DLG2: variants seen among roughly 807,000 people sequenced by gnomAD.
DLG2 encodes the protein disks large homolog 2.
A neutral mutation model predicts 132.5 loss-of-function variants in DLG2; 45 were observed. That is an observed-to-expected ratio of 0.34 (90% CI 0.27 to 0.44). DLG2 has a LOEUF of 0.44. DLG2 is among the 20% of genes least tolerant of loss of function. The probability of loss-of-function intolerance (pLI) is 1.00; values close to 1 mark genes in which losing one functional copy is unlikely to be tolerated. For synonymous variants in DLG2, 424 were observed against 419.6 expected (o/e 1.01, Z -0.13); for missense variants, 1,045 against 1,196.9 (o/e 0.87, Z 1.87).
At chr11:84,125,066 T>C (rs2154209748) in intron 9 of DLG2, among the ~76,000 whole-genome samples, 1 of 152,188 alleles carries the variant, frequency 6.6e-6, no homozygotes, top group Middle Eastern at 3.4e-3. Context: ...GTCAGGCTGA[T>C]CTTGAACTCA....
rs1177534567 is a variant in DLG2, at chr11:83,980,681, T to C, written c.920-39A>G. ...ACAGAAAATGGAAAGCCTTGTTTTG[T>C]TGTTGTAGTTGTTTTTAGAAAATGC... On this transcript the variant is annotated intron_variant, in intron 11 of 27. Transcript: ENST00000376104. 2.1e-6 allele frequency: 3 copies of C among 1,462,526 alleles called. No homozygotes were observed. The African/African-American group carries it at 4.4e-5, about 21-fold the overall frequency. The allele number at this position is 1,462,526 out of a possible 1,614,324, so 90.6% of individuals were successfully genotyped here.
At chr11:84,038,761 C>G (rs543499282) in intron 11 of DLG2, among the ~76,000 whole-genome samples, 3 of 152,184 alleles carry the variant, frequency 2.0e-5, no homozygotes, top group African/African-American at 7.2e-5. Flanking sequence ...GTTTAATTGA[C>G]TCTCAGTTCA....
intron 16 of DLG2, among the ~76,000 whole-genome samples, chr11:83,870,242 C>G (rs914864263): frequency 6.6e-6 from 1 of 152,176 alleles, no homozygotes; most frequent in Non-Finnish European, 1.5e-5. Context: ...GAATAATGTA[C>G]ATTTTACCCA....
At chr11:84,734,299 C>T (rs1169358585) in intron 6 of DLG2, among the ~76,000 whole-genome samples, 1 of 152,086 alleles carries the variant, frequency 6.6e-6, no homozygotes, top group African/African-American at 2.4e-5. Context: ...TTGTTTGTAT[C>T]CTCTTTTATT....
chr11:84,835,813 T>A (rs1343888937), intron 6 of DLG2, among the ~76,000 whole-genome samples: 1 of 151,838 alleles, frequency 6.6e-6, no homozygotes, highest in Admixed American at 6.6e-5. Context: ...ATAGATGTAA[T>A]AATAAGGAGA....
intron 12 of DLG2, among the ~76,000 whole-genome samples, chr11:83,971,871 T>C (rs561834519): frequency 2.5e-4 from 38 of 152,254 alleles, no homozygotes; most frequent in African/African-American, 8.7e-4. Context: ...TTCAAAATAA[T>C]AACTATTAAT....
intron 11 of DLG2, among the ~76,000 whole-genome samples, chr11:84,035,038 C>T (rs897524699): frequency 2.0e-5 from 3 of 152,102 alleles, no homozygotes; most frequent in African/African-American, 7.2e-5. Flanking sequence ...ACCTTTCCAA[C>T]CTCTGCTTGA....
At chr11:84,744,718 C>G (rs968347923) in intron 6 of DLG2, among the ~76,000 whole-genome samples, 3 of 151,972 alleles carry the variant, frequency 2.0e-5, no homozygotes, top group Non-Finnish European at 2.9e-5. Context: ...TCTCAGAAAG[C>G]TTTCTCCCAC....
At chr11:84,758,043 A>G (rs777444702) in intron 6 of DLG2, among the ~76,000 whole-genome samples, 1 of 152,270 alleles carries the variant, frequency 6.6e-6, no homozygotes, top group Admixed American at 6.5e-5. Flanking sequence ...GGTCATTGCC[A>G]TAACATACTT....
At position 83,542,005 on chromosome 11, in the gene DLG2, A is replaced by G. The variant is rs1009614778; in HGVS notation, c.1941-147T>C. On this transcript the variant is annotated intron_variant, in intron 19 of 27. Coordinates refer to ENST00000376104, the MANE Select transcript of DLG2 (RefSeq NM_001142699.3). Reference sequence around the variant, plus strand: ...AATGATTCCCTGGATCACAGTCCACACTCTCACTGCTTTGGCAACACACTA... The same window carrying G: ...AATGATTCCCTGGATCACAGTCCACGCTCTCACTGCTTTGGCAACACACTA... 4 of 732,708 alleles carry G rather than the reference A, an allele frequency of 5.5e-6. No homozygotes were observed. In the Admixed American group the frequency reaches 1.4e-4, roughly 26 times the overall value. 45.4% of individuals were successfully genotyped at this position (732,708 alleles called of 1,614,324 possible).
At chr11:84,115,607 G>A (rs2093597392) in intron 9 of DLG2, among the ~76,000 whole-genome samples, 1 of 152,142 alleles carries the variant, frequency 6.6e-6, no homozygotes, top group East Asian at 1.9e-4. Context: ...AACATTTCAA[G>A]TTTATTTCTA....
At chr11:84,630,378 C>A (rs1196757865) in intron 6 of DLG2, among the ~76,000 whole-genome samples, 1 of 152,106 alleles carries the variant, frequency 6.6e-6, no homozygotes, top group Non-Finnish European at 1.5e-5. Context: ...TATGACTCCT[C>A]CTTTGATCTA....
At position 84,642,069 on chromosome 11, in the gene DLG2, T is replaced by C. The variant is rs537453124; in HGVS notation, c.358-107338A>G. Among the ~76,000 whole-genome samples the C allele has an allele frequency of 2.9e-3, 414 of 143,600 alleles. 6 individuals carry two copies. Among genetic ancestry groups the C allele is most frequent in the South Asian group, 0.021 (92 of 4,434 alleles). The allele number at this position is 143,600 out of a possible 152,430, so 94.2% of individuals were successfully genotyped here. On this transcript the variant is annotated intron_variant, in intron 6 of 27. Transcript: ENST00000376104. Reference sequence around the variant, plus strand: ...ATATATGTATATATACGCACGCGTGTGTGTGTGTGTGTGTATATGTAGAGT... The same window carrying C: ...ATATATGTATATATACGCACGCGTGCGTGTGTGTGTGTGTATATGTAGAGT...
At chr11:85,025,291 A>G (rs984131250) in intron 6 of DLG2, among the ~76,000 whole-genome samples, 1 of 152,202 alleles carries the variant, frequency 6.6e-6, no homozygotes, top group Admixed American at 6.5e-5. Context: ...TGATGCTTCA[A>G]TTCAGAATGC....
chr11:85,105,527 T>C (rs747283503), intron 6 of DLG2, among the ~76,000 whole-genome samples: 12 of 151,932 alleles, frequency 7.9e-5, no homozygotes, highest in Non-Finnish European at 1.8e-4. Context: ...AATCATGCCT[T>C]TTCTGAGATA....
At chr11:85,393,378 T>C (rs2086976042) in intron 3 of DLG2, among the ~76,000 whole-genome samples, 1 of 152,090 alleles carries the variant, frequency 6.6e-6, no homozygotes, top group African/African-American at 2.4e-5. Flanking sequence ...TTGGTGGGAA[T>C]GTAATACAAC....
intron 3 of DLG2, among the ~76,000 whole-genome samples, chr11:85,445,715 C>T (rs1597396966): frequency 6.6e-6 from 1 of 152,264 alleles, no homozygotes; most frequent in South Asian, 2.1e-4. Context: ...CTAATCAGAA[C>T]AGGCACACCT....
intron 6 of DLG2, among the ~76,000 whole-genome samples, chr11:84,931,289 C>A (rs2048055839): frequency 6.6e-6 from 1 of 152,056 alleles, no homozygotes; most frequent in Non-Finnish European, 1.5e-5. Flanking sequence ...AGTTACTTTT[C>A]CTGATCCTCT....
chr11:85,445,680 C>CA lies in DLG2; in HGVS notation c.40+152976dup, dbSNP rs553527268. ...GGGCAACGAGAGTGAAACTCCGTCT[C>CA]AAAAAAACAAAAAGATTGAAAGCAC... On this transcript the variant is annotated intron_variant, in intron 3 of 27. Coordinates refer to ENST00000376104, the MANE Select transcript of DLG2 (RefSeq NM_001142699.3). Among the ~76,000 whole-genome samples, 193 of 152,044 alleles carry CA rather than the reference C, an allele frequency of 1.3e-3. 1 individual carries two copies. Among genetic ancestry groups the CA allele is most frequent in the African/African-American group, 4.4e-3 (184 of 41,488 alleles).
Sources: gnomAD v4.1 joint callset for allele counts (sites outside exome capture counted in the v4.1 genomes callset) on GRCh38, gnomAD v4.1.1 for gene constraint, MANE v1.5 for transcripts, NCBI Gene and HGNC (gene_info 2026-07-23, HGNC 2026-07-21) for gene names.